SSBP2: variants seen among roughly 807,000 people sequenced by gnomAD.
The protein encoded by SSBP2 is single-stranded DNA-binding protein 2.
SSBP2 carries 17 observed loss-of-function variants against 61.8 expected under a neutral mutation model. The ratio of observed to expected loss-of-function variants is 0.28; its 90% confidence interval spans 0.19 to 0.41. The LOEUF is 0.41. Ranked by LOEUF, SSBP2 falls within the 10% of genes least tolerant of loss-of-function variation. The pLI, the probability that SSBP2 is intolerant of heterozygous loss-of-function variation, is 1.00. For synonymous variants in SSBP2, 139 were observed against 141.3 expected (o/e 0.98, Z 0.12); for missense variants, 310 against 458.7 (o/e 0.68, Z 2.96).
chr5:81,613,548 T>G (rs1745666181), intron 4 of SSBP2, among the ~76,000 whole-genome samples: 1 of 152,186 alleles, frequency 6.6e-6, no homozygotes, highest in Admixed American at 6.5e-5. Flanking sequence ...CCCCTTAAGA[T>G]CTCCATGTTG....
chr5:81,533,358 A>G (rs62366251), intron 4 of SSBP2, among the ~76,000 whole-genome samples: 30,245 of 151,918 alleles, frequency 0.2, 3,098 homozygotes, highest in Non-Finnish European at 0.22. Flanking sequence ...AATATATCAA[A>G]ATTTGTGGGG....
At chr5:81,587,736 T>TACAC (rs900932765) in intron 4 of SSBP2, among the ~76,000 whole-genome samples, 1 of 144,002 alleles carries the variant, frequency 6.9e-6, no homozygotes, top group African/African-American at 2.6e-5. Flanking sequence ...TCTCAAAACA[T>TACAC]ACACACACAC....
intron 1 of SSBP2, among the ~76,000 whole-genome samples, chr5:81,682,319 G>A (rs1752447168): frequency 1.3e-5 from 2 of 152,108 alleles, no homozygotes; most frequent in South Asian, 4.1e-4. Context: ...CAATGTATAG[G>A]AGGAATTATA....
At chr5:81,656,497 G>T (rs1187560662) in intron 1 of SSBP2, among the ~76,000 whole-genome samples, 2 of 152,032 alleles carry the variant, frequency 1.3e-5, no homozygotes, top group East Asian at 3.9e-4. Context: ...GGTTTCTGGG[G>T]GAACAGGTGG....
chr5:81,494,361 A>G (rs1203175166), intron 5 of SSBP2, among the ~76,000 whole-genome samples: 1 of 152,244 alleles, frequency 6.6e-6, no homozygotes, highest in Non-Finnish European at 1.5e-5. Flanking sequence ...TCTCATTTCT[A>G]CATGTTCTAG....
At chr5:81,624,582 A>T (rs1348512787) in intron 3 of SSBP2, among the ~76,000 whole-genome samples, 1 of 152,170 alleles carries the variant, frequency 6.6e-6, no homozygotes, top group Non-Finnish European at 1.5e-5. Context: ...TCAGGTTTTC[A>T]GACTAGGGAT....
chr5:81,723,537 T>C (rs1755682466), intron 1 of SSBP2, among the ~76,000 whole-genome samples: 2 of 152,052 alleles, frequency 1.3e-5, no homozygotes, highest in Non-Finnish European at 2.9e-5. Context: ...TAGCTCTGGA[T>C]ACCTCTAAAT....
chr5:81,717,211 G>C (rs1206363787), intron 1 of SSBP2, among the ~76,000 whole-genome samples: 5 of 152,034 alleles, frequency 3.3e-5, no homozygotes, highest in Admixed American at 2.6e-4. Context: ...GAACTACCTT[G>C]AAAAATGAGG....
intron 4 of SSBP2, among the ~76,000 whole-genome samples, chr5:81,547,795 C>T (rs990522939): frequency 3.3e-5 from 5 of 151,948 alleles, no homozygotes; most frequent in African/African-American, 1.2e-4. Flanking sequence ...ATGCATATTA[C>T]TAAGTGAAGG....
At chr5:81,469,574 ATAAT>A (rs1423267973) in intron 8 of SSBP2, among the ~76,000 whole-genome samples, 11 of 151,930 alleles carry the variant, frequency 7.2e-5, no homozygotes, top group Non-Finnish European at 1.2e-4. Context: ...TTCCTGCTAA[ATAAT>A]AAGTACCTTG....
At chr5:81,618,361 A>G (rs1365311348) in intron 3 of SSBP2, among the ~76,000 whole-genome samples, 1 of 100,090 alleles carries the variant, frequency 1.0e-5, no homozygotes, top group Non-Finnish European at 2.2e-5. Flanking sequence ...AAAGAAGGCC[A>G]TTACATAATG....
chr5:81,457,604 C>A (rs951469291), intron 10 of SSBP2, among the ~76,000 whole-genome samples: 1 of 151,956 alleles, frequency 6.6e-6, no homozygotes, highest in Non-Finnish European at 1.5e-5. Context: ...AAATTAACAT[C>A]AACAATAATG....
At chr5:81,737,848 C>G (rs1756730283) in intron 1 of SSBP2, among the ~76,000 whole-genome samples, 1 of 151,464 alleles carries the variant, frequency 6.6e-6, no homozygotes, top group Admixed American at 6.6e-5. Context: ...TTCTACAAAT[C>G]TGGCATGGTA....
intron 1 of SSBP2, 106 bp from the exon 2 acceptor site, chr5:81,650,445 C>T (rs1749629713): frequency 3.3e-6 from 2 of 605,934 alleles, no homozygotes; most frequent in South Asian, 3.6e-5. Flanking sequence ...TAACAGTGAC[C>T]AAAAATAAAC....
intron 4 of SSBP2, among the ~76,000 whole-genome samples, chr5:81,572,100 T>A (rs1196146633): frequency 4.6e-5 from 7 of 152,136 alleles, no homozygotes; most frequent in Admixed American, 4.6e-4. Context: ...AGATTCTTAA[T>A]GAAAAGGGCA....
chr5:81,448,544 ATTGTACTGGTTT>A (rs1763554856), intron 11 of SSBP2, among the ~76,000 whole-genome samples: 1 of 152,146 alleles, frequency 6.6e-6, no homozygotes, highest in African/African-American at 2.4e-5. Flanking sequence ...GACAGAGTGT[ATTGTACTGGTTT>A]TCAGAAACAT....
Position 81,554,974 on chromosome 5 carries a change from A to T in SSBP2, c.283-41257T>A, listed in dbSNP as rs148121329. ...TGAACTTTATAGTGAGCATCTGGGT[A>T]GTGCCACCGTGCAGATGTTGCAGTA... On this transcript the variant is annotated intron_variant, in intron 4 of 16. Transcript: ENST00000320672. 3.0e-3 allele frequency among the ~76,000 whole-genome samples: 456 copies of T among 152,240 alleles called. 5 individuals are homozygous for T. Among genetic ancestry groups the T allele is most frequent in the East Asian group, 0.012 (60 of 5,188 alleles).
At chr5:81,433,128 C>CA (rs1338091382) in intron 15 of SSBP2, among the ~76,000 whole-genome samples, 2 of 151,930 alleles carry the variant, frequency 1.3e-5, no homozygotes, top group Admixed American at 1.3e-4. Context: ...TCATTGAGAA[C>CA]GGGCCATGAT....
At chr5:81,673,172 G>A (rs1205925359) in intron 1 of SSBP2, among the ~76,000 whole-genome samples, 1 of 152,084 alleles carries the variant, frequency 6.6e-6, no homozygotes, top group East Asian at 1.9e-4. Flanking sequence ...CTTGCACTAA[G>A]AAGCATTTAG....
Sources: allele counts gnomAD v4.1 joint callset (sites outside exome capture counted in the v4.1 genomes callset), GRCh38; gene constraint gnomAD v4.1.1; transcripts MANE v1.5; gene names NCBI Gene and HGNC (gene_info 2026-07-23, HGNC 2026-07-21).